CD46: variants seen among roughly 807,000 people sequenced by gnomAD.
CD46 encodes membrane cofactor protein.
In CD46, 30 loss-of-function variants were observed where a neutral mutation model predicts 53.3. The observed-to-expected ratio is 0.56, with a 90% confidence interval of 0.42 to 0.76. CD46 has a LOEUF of 0.76. Among genes scored for constraint, CD46 ranks in the 30% least tolerant of loss-of-function variants. CD46 has a pLI of 0.00. For synonymous variants in CD46, 142 were observed against 152.0 expected, an observed-to-expected ratio of 0.93 and a Z score of 0.48; for missense variants, 409 against 463.0, an observed-to-expected ratio of 0.88 and a Z score of 1.07.
chr1:207,785,741 G>A, intron 11 of CD46, 59 bp downstream of exon 11: 2 of 1,087,372 alleles, frequency 1.8e-6, no homozygotes, highest in Non-Finnish European at 2.8e-6. Context: ...ACATGCTTTT[G>A]TGCAGCTTCA....
intron 12 of CD46, among the ~76,000 whole-genome samples, chr1:207,791,406 A>C (rs1198647906): frequency 6.6e-6 from 1 of 152,252 alleles, no homozygotes; most frequent in Non-Finnish European, 1.5e-5. Flanking sequence ...GAGGCCACTA[A>C]GTAAAATAAG....
At chr1:207,775,070 G>A (rs929923166) in intron 8 of CD46, among the ~76,000 whole-genome samples, 10 of 152,088 alleles carry the variant, frequency 6.6e-5, no homozygotes, top group Non-Finnish European at 1.2e-4. Flanking sequence ...TTTCTTGGAG[G>A]CTTTGTTTGT....
chr1:207,787,476 AT>A lies in CD46; in HGVS notation c.1082+1803del, dbSNP rs933239255. On this transcript the variant is annotated intron_variant, in intron 11 of 12. Transcript: ENST00000367042. ...GATTCCAAAATTAATTTGTCCAGTG[AT>A]TTTTTTTTAAAGCCCATATTTTACA... 2.0e-3 allele frequency among the ~76,000 whole-genome samples: 304 copies of A among 151,756 alleles called. 2 individuals carry two copies. Among genetic ancestry groups the A allele is most frequent in the African/African-American group, 6.9e-3 (284 of 41,370 alleles).
chr1:207,781,438 T>G (rs1018513645), intron 8 of CD46, among the ~76,000 whole-genome samples: 1 of 152,168 alleles, frequency 6.6e-6, no homozygotes, highest in South Asian at 2.1e-4. Flanking sequence ...TGCTTTTAAT[T>G]GATGAAATAT....
rs1186147524 is a variant in CD46, at chr1:207,761,850, TA to T, written c.673+412del. ...ACAAATAAAAATGATAAACTCTGGA[TA>T]AAAAAAATTTTTTTTTTAAAGACCA... On this transcript the variant is annotated intron_variant, in intron 5 of 12. Transcript: ENST00000367042. Among the ~76,000 whole-genome samples the T allele has an allele frequency of 2.0e-5, 3 of 152,184 alleles. No homozygotes were observed. The South Asian group carries it at 6.2e-4, about 32-fold the overall frequency.
intron 8 of CD46, among the ~76,000 whole-genome samples, chr1:207,771,490 G>T (rs1381706277): frequency 6.6e-6 from 1 of 152,130 alleles, no homozygotes; most frequent in Admixed American, 6.6e-5. Flanking sequence ...GTCCTGAATG[G>T]TATTGCCTAG....
rs191486442 is a variant in CD46 at position 207,788,776 on chromosome 1, G to A, written c.1083-1477G>A. Among the ~76,000 whole-genome samples, 184 of 152,328 alleles carry A rather than the reference G, an allele frequency of 1.2e-3. 1 individual carries two copies. Among genetic ancestry groups the A allele is most frequent in the Admixed American group, 3.5e-3 (54 of 15,310 alleles). On this transcript the variant is annotated intron_variant, in intron 11 of 12. Transcript: ENST00000367042. Reference sequence around the variant, plus strand: ...CTGGTATTTATGGTGATTTGGGAACGTAATTACTCTTCTGCAGCCTTCATC... The same window carrying A: ...CTGGTATTTATGGTGATTTGGGAACATAATTACTCTTCTGCAGCCTTCATC...
In CD46 at chr1:207,783,329, G is replaced by A; in HGVS notation, c.981G>A (p.Leu327=). The change falls in exon 9 of 13, where the codon TTG becomes TTA. Residue 327 remains leucine, a splice_region_variant and synonymous_variant. Coordinates refer to ENST00000367042, the MANE Select transcript of CD46 (RefSeq NM_172351.3). ...CTGAGGAAGGAATACTTGACAGTTT[G>A]GGTTGGTATAGCTATCATGACAAAT... The part of the protein sequence containing the change: ...PKPEEGILDS[L]DVWVIAVIVI... The A allele has an allele frequency of 2.6e-6, 4 of 1,544,648 alleles. No homozygotes were observed. Among genetic ancestry groups the A allele is most frequent in the Non-Finnish European group, 3.6e-6 (4 of 1,117,548 alleles).
rs1304631027 is a variant in CD46, at chr1:207,757,044, C to T, written c.128C>T (p.Ala43Val). Residue 43 changes from alanine to valine, a missense_variant, in exon 2 of 13, where the codon GCT (alanine) becomes GTT (valine). Coordinates refer to ENST00000367042, the MANE Select transcript of CD46 (RefSeq NM_172351.3). ...DACEEPPTFE[A>V]MELIGKPKPY... ...TGTGAGGAGCCACCAACATTTGAAG[C>T]TATGGAGCTCATTGGTAAACCAAAA... The T allele has an allele frequency of 1.2e-5, 20 of 1,614,030 alleles. No homozygotes were observed. Among genetic ancestry groups the T allele is most frequent in the Non-Finnish European group, 1.6e-5 (19 of 1,179,922 alleles).
intron 8 of CD46, among the ~76,000 whole-genome samples, chr1:207,782,902 C>T (rs1658912461): frequency 1.3e-5 from 2 of 151,576 alleles, no homozygotes; most frequent in African/African-American, 2.4e-5. Flanking sequence ...ATCCGCCTGC[C>T]TCGGCCTCCC....
At chr1:207,769,426 A>AGTGCATAT (rs1657222803) in intron 7 of CD46, 1 of 152,222 alleles carries the variant, frequency 6.6e-6, no homozygotes, top group Non-Finnish European at 1.5e-5. Flanking sequence ...ATCCGGGCTT[A>AGTGCATAT]ACTCACATGC....
intron 8 of CD46, among the ~76,000 whole-genome samples, chr1:207,780,769 G>T (rs1284852224): frequency 6.6e-6 from 1 of 151,974 alleles, no homozygotes; most frequent in Non-Finnish European, 1.5e-5. Context: ...AGTCTGTTTT[G>T]TATGTGATAA....
Position 207,792,377 on chromosome 1 carries a change from G to A in CD46, c.*42-1142G>A, listed in dbSNP as rs558132132. On this transcript the variant is annotated intron_variant, in intron 12 of 12. Coordinates refer to ENST00000367042, the MANE Select transcript of CD46 (RefSeq NM_172351.3). ...AAGTCTGTCATCACAACAGTCCTTA[G>A]GGAACTGCAATATTATAAGTATAGT... is the stretch of plus-strand genomic sequence containing the variant. Among the ~76,000 whole-genome samples, 8 of 152,288 alleles carry A rather than the reference G, an allele frequency of 5.3e-5. No individual in the cohort carries two copies. The East Asian group carries it at 1.5e-3, about 29-fold the overall frequency.
At chr1:207,789,721 C>T (rs1659608126) in intron 11 of CD46, among the ~76,000 whole-genome samples, 1 of 151,844 alleles carries the variant, frequency 6.6e-6, no homozygotes, top group African/African-American at 2.4e-5. Context: ...GATACATACT[C>T]AATGTATTCC....
intron 11 of CD46, among the ~76,000 whole-genome samples, chr1:207,786,407 A>G (rs923309563): frequency 6.6e-6 from 1 of 152,232 alleles, no homozygotes; most frequent in Non-Finnish European, 1.5e-5. Context: ...GTACAAGTAC[A>G]TATCTTCTAA....
intron 1 of CD46, among the ~76,000 whole-genome samples, chr1:207,753,526 C>T (rs1655157267): frequency 6.6e-6 from 1 of 152,154 alleles, no homozygotes; most frequent in African/African-American, 2.4e-5. Context: ...CAAAAATTAG[C>T]TGGGCATGGT....
chr1:207,788,174 G>A (rs776540981), intron 11 of CD46, among the ~76,000 whole-genome samples: 1 of 151,902 alleles, frequency 6.6e-6, no homozygotes, highest in Non-Finnish European at 1.5e-5. Context: ...AAAGGCTATG[G>A]GGTAATAAAT....
intron 8 of CD46, among the ~76,000 whole-genome samples, chr1:207,779,913 C>CTTTTGTTTTTTTTTTTTTTTTTTTTTT (rs1658543943): frequency 1.6e-5 from 1 of 62,384 alleles, no homozygotes; most frequent in Non-Finnish European, 3.0e-5. Flanking sequence ...AAAAGCAAGT[C>CTTTTGTTTTTTTTTTTTTTTTTTTTTT]TTTTTTTTTT....
chr1:207,793,047 C>T (rs552741836), intron 12 of CD46, among the ~76,000 whole-genome samples: 1 of 152,172 alleles, frequency 6.6e-6, no homozygotes, highest in African/African-American at 2.4e-5. Flanking sequence ...AAAAGTGTGA[C>T]GTAAACTTTA....
Sources: allele counts gnomAD v4.1 joint callset (sites outside exome capture counted in the v4.1 genomes callset), GRCh38; gene constraint gnomAD v4.1.1; transcripts MANE v1.5; gene names NCBI Gene and HGNC (gene_info 2026-07-23, HGNC 2026-07-21).